The following ASAP2 variants were observed in gnomAD, a reference collection of about 807,000 sequenced individuals.
ASAP2 encodes ArfGAP with SH3 domain, ankyrin repeat and PH domain 2.
In ASAP2, 45 loss-of-function variants were observed where a neutral mutation model predicts 131.4. The ratio of observed to expected loss-of-function variants is 0.34; its 90% CI spans 0.27 to 0.44. The LOEUF (loss-of-function observed/expected upper bound fraction) is 0.44, where lower values mean the gene tolerates loss of function less well. Ranked by LOEUF, ASAP2 falls within the 20% of genes least tolerant of loss-of-function variation. The probability of loss-of-function intolerance (pLI) is 1.00; values close to 1 mark genes in which losing one functional copy is unlikely to be tolerated. For synonymous variants in ASAP2, 510 were observed against 503.0 expected, an observed-to-expected ratio of 1.01 and a Z score of -0.19; for missense variants, 1,011 against 1,297.0, an observed-to-expected ratio of 0.78 and a Z score of 3.39.
At chr2:9,322,243 A>G (rs556939705) in intron 5 of ASAP2, among the ~76,000 whole-genome samples, 13 of 152,248 alleles carry the variant, frequency 8.5e-5, no homozygotes, top group Non-Finnish European at 1.9e-4. Context: ...GAGAAATCAC[A>G]TTTCTTGCCT....
intron 1 of ASAP2, among the ~76,000 whole-genome samples, chr2:9,274,525 G>A (rs556274288): frequency 8.0e-4 from 121 of 152,120 alleles, no homozygotes; most frequent in Middle Eastern, 6.8e-3. Flanking sequence ...GTTTTACCAT[G>A]TTGTGCAGGC....
chr2:9,312,425 C>T lies in ASAP2; in HGVS notation c.346-6099C>T, dbSNP rs13399047. On this transcript the variant is annotated intron_variant, in intron 3 of 27. Transcript: ENST00000281419. ...GCTGGCAGGGCCCACACCAGCACTTCGACCACCCTCTATGCCATTCCTTTT... is the reference window on the plus strand; with the variant it reads ...GCTGGCAGGGCCCACACCAGCACTTTGACCACCCTCTATGCCATTCCTTTT... Among the ~76,000 whole-genome samples, 1,310 of 152,252 alleles carry T rather than the reference C, an allele frequency of 8.6e-3. 16 individuals are homozygous for T. The highest frequency in any genetic ancestry group is 0.026 in the African/African-American group (1,095 of 41,538).
chr2:9,390,499 C>G (rs973181105), intron 22 of ASAP2, among the ~76,000 whole-genome samples: 1 of 152,232 alleles, frequency 6.6e-6, no homozygotes, highest in Non-Finnish European at 1.5e-5. Context: ...AATGCCATCT[C>G]TTGTGGGTCA....
rs1675794696 is a variant in ASAP2 at position 9,392,348 on chromosome 2, A to G, written c.2519-1134A>G. Among the ~76,000 whole-genome samples, 1 of 152,196 alleles carries G rather than the reference A, an allele frequency of 6.6e-6. No homozygotes were observed. Among genetic ancestry groups the G allele is most frequent in the South Asian group, 2.1e-4 (1 of 4,830 alleles). The stretch of plus-strand genomic sequence containing the variant: ...GCAGCCCTGGAGTGGGGAGTCCAGC[A>G]TCTCTGGGCTTCATTGCTTCCAGAG... On this transcript the variant is annotated intron_variant, in intron 23 of 27. Transcript: ENST00000281419. The surrounding 1 kb of genome is among the most constrained non-coding windows in gnomAD (Gnocchi z 4.0).
chr2:9,211,236 C>T (rs887316221), intron 1 of ASAP2, among the ~76,000 whole-genome samples: 10 of 152,072 alleles, frequency 6.6e-5, no homozygotes, highest in Non-Finnish European at 8.8e-5. Flanking sequence ...TGACCACCTT[C>T]TCTGGTTCAA....
At chr2:9,386,634 C>A (rs1210542680) in intron 21 of ASAP2, among the ~76,000 whole-genome samples, 1 of 152,208 alleles carries the variant, frequency 6.6e-6, no homozygotes, top group African/African-American at 2.4e-5. Context: ...TTCTGCACAC[C>A]TGAGCTGGGT....
In ASAP2 at chr2:9,279,317, G is replaced by C. The variant is rs1448937476; in HGVS notation, c.127G>C (p.Ala43Pro). The C allele has an allele frequency of 1.2e-6, 2 of 1,614,052 alleles. No individual in the cohort carries two copies. The highest frequency in any genetic ancestry group is 1.7e-6 in the Non-Finnish European group (2 of 1,179,904). ...AATGACTGTATTCTCTACATTTTAG[G>C]CTTTGGACGTGGACCGGATGGTTCT... Reference protein sequence around the residue: ...CRNTVAAIEEALDVDRMVLYK... With the variant: ...CRNTVAAIEEPLDVDRMVLYK... Residue 43 changes from alanine (A) to proline (P), a missense_variant and splice_region_variant, in exon 2 of 28, where the codon GCT (alanine) becomes CCT (proline). Physicochemically the swap from Ala to Pro is conservative, Grantham distance 27. This residue lies in a region of ASAP2 where 359 missense variants were observed against 598.1 expected (regional missense o/e 0.60). Transcript: ENST00000281419.
chr2:9,320,367 T>C (rs1186557282), intron 5 of ASAP2, 30 bp downstream of exon 5: 1 of 1,574,396 alleles, frequency 6.4e-7, no homozygotes, highest in Non-Finnish European at 8.7e-7. Context: ...AATTTACGTA[T>C]AGGTAATTTG....
In ASAP2 at chr2:9,335,081, G is replaced by A. The variant is rs1320281454; in HGVS notation, c.763-12G>A. On this transcript the variant is annotated splice_polypyrimidine_tract_variant and intron_variant, in intron 8 of 27. Transcript: ENST00000281419. ...TTCTGATTGGTTCTGTTGTGTGTGT[G>A]TGTTTTTAAAGATCAAACAGGCCCA... 1 of 1,612,578 alleles carries A rather than the reference G, an allele frequency of 6.2e-7. No homozygotes were observed. Among genetic ancestry groups the A allele is most frequent in the South Asian group, 1.1e-5 (1 of 91,050 alleles).
intron 1 of ASAP2, among the ~76,000 whole-genome samples, chr2:9,259,286 T>C (rs6725109): frequency 0.47 from 71,473 of 152,168 alleles, 17,643 homozygotes; most frequent in African/African-American, 0.57. Context: ...ATAAATGGCC[T>C]TTGCTGACCC....
At chr2:9,220,980 C>A (rs1662374017) in intron 1 of ASAP2, among the ~76,000 whole-genome samples, 1 of 152,144 alleles carries the variant, frequency 6.6e-6, no homozygotes, top group Non-Finnish European at 1.5e-5. Context: ...GAGTTTATTT[C>A]TGGACCCTCA....
chr2:9,327,189 G>A (rs559182869), intron 6 of ASAP2, among the ~76,000 whole-genome samples: 2 of 151,806 alleles, frequency 1.3e-5, no homozygotes, highest in South Asian at 4.2e-4. Context: ...GCTTTTCCAG[G>A]GGACATTCCA....
chr2:9,257,844 A>G (rs1371201479), intron 1 of ASAP2, among the ~76,000 whole-genome samples: 1 of 152,176 alleles, frequency 6.6e-6, no homozygotes, highest in Non-Finnish European at 1.5e-5. Flanking sequence ...TTTTAAGCAA[A>G]AAAAGAGAAT....
intron 12 of ASAP2, among the ~76,000 whole-genome samples, chr2:9,354,106 C>A (rs187720781): frequency 6.6e-6 from 1 of 152,178 alleles, no homozygotes; most frequent in African/African-American, 2.4e-5. Flanking sequence ...AAATTCAAGT[C>A]CTGAGCCATT....
chr2:9,326,419 A>G (rs1248238697), intron 6 of ASAP2, among the ~76,000 whole-genome samples: 1 of 152,204 alleles, frequency 6.6e-6, no homozygotes, highest in Non-Finnish European at 1.5e-5. Context: ...CATTTAATAA[A>G]GAAATTCAGT....
Position 9,297,357 on chromosome 2 carries a change from G to A in ASAP2, c.257G>A (p.Cys86Tyr), listed in dbSNP as rs548555308. Residue 86 changes from cysteine (C) to tyrosine (Y), a missense_variant, in exon 3 of 28, where the codon TGT becomes TAT. Cys to Tyr is a radical substitution (Grantham distance 194, BLOSUM62 -2). Transcript: ENST00000281419. ...TQALEKFGGNCVCRDDPDLGS... is the reference protein window; with the variant it reads ...TQALEKFGGNYVCRDDPDLGS... Reference sequence around the variant, plus strand: ...GCTCTGGAGAAGTTTGGCGGCAACTGTGTATGCAGAGATGACCCAGATTTA... The same window carrying A: ...GCTCTGGAGAAGTTTGGCGGCAACTATGTATGCAGAGATGACCCAGATTTA... The A allele has an allele frequency of 1.7e-5, 27 of 1,614,198 alleles. 2 individuals are homozygous for A. The highest frequency in any genetic ancestry group is 1.6e-4 in the South Asian group (15 of 91,088).
intron 3 of ASAP2, among the ~76,000 whole-genome samples, chr2:9,304,801 G>A (rs1668738468): frequency 6.7e-6 from 1 of 150,054 alleles, no homozygotes; most frequent in South Asian, 2.1e-4. Context: ...GAGTAGTGAG[G>A]TATAGATATT....
At chr2:9,216,246 A>T (rs1662017541) in intron 1 of ASAP2, among the ~76,000 whole-genome samples, 1 of 149,806 alleles carries the variant, frequency 6.7e-6, no homozygotes, top group Non-Finnish European at 1.5e-5. Context: ...TGTGTTGGGG[A>T]TATCCAGAGT....
intron 25 of ASAP2, 66 bp from the exon 26 acceptor site, chr2:9,400,676 A>T (rs1444296044): frequency 7.1e-7 from 1 of 1,409,068 alleles, no homozygotes; most frequent in Admixed American, 1.7e-5. Context: ...TGTGGCTTGT[A>T]CATTGTTTAC....
Sources: gnomAD v4.1 joint callset for allele counts (sites outside exome capture counted in the v4.1 genomes callset) on GRCh38, gnomAD v4.1.1 for gene constraint, gnomAD v4.1.1 regional missense constraint, Gnocchi (gnomAD v3.1) non-coding constraint, MANE v1.5 for transcripts, NCBI Gene and HGNC (gene_info 2026-07-23, HGNC 2026-07-21) for gene names.